Variants in GPATCH3 observed in about 807,000 individuals in gnomAD.
GPATCH3 encodes the protein G patch domain-containing protein 3.
GPATCH3 carries 45 observed loss-of-function variants against 53.2 expected under a neutral mutation model. The observed-to-expected ratio is 0.85, with a 90% confidence interval of 0.67 to 1.08. GPATCH3 has a LOEUF of 1.08. GPATCH3 is among the 50% of genes least tolerant of loss of function. The pLI, the probability that GPATCH3 is intolerant of heterozygous loss-of-function variation, is 0.00. For synonymous variants in GPATCH3, 280 were observed against 270.6 expected (o/e 1.03, Z -0.34); for missense variants, 680 against 687.2 (o/e 0.99, Z 0.12).
At chr1:26,892,267 C>T in intron 6 of GPATCH3, 144 bp downstream of exon 6, 1 of 1,024,908 alleles carries the variant, frequency 9.8e-7, no homozygotes, top group Middle Eastern at 3.2e-4. Context: ...CCGTGCCTGG[C>T]CCAGATCCAC....
Position 26,900,307 on chromosome 1 carries a change from A to AGAGGAAGCCACC in GPATCH3, c.124_135dup (p.Gly42_Leu45dup), listed in dbSNP as rs1458286028. ...TCAGGCCGATGCCGGTAGTGGAAAC[A>AGAGGAAGCCACC]GAGGAAGCCACCGCCGCGCTCTTCT... On this transcript the variant is annotated inframe_insertion, in exon 1 of 7. Coordinates refer to ENST00000361720, the MANE Select transcript of GPATCH3 (RefSeq NM_022078.3). The AGAGGAAGCCACC allele has an allele frequency of 1.2e-5, 19 of 1,613,990 alleles. No homozygotes were observed. The highest frequency in any genetic ancestry group is 1.6e-5 in the Non-Finnish European group (19 of 1,180,028).
Position 26,894,097 on chromosome 1 carries a change from C to A in GPATCH3, c.1051+139G>T, listed in dbSNP as rs2081940379. 2.0e-5 allele frequency: 15 copies of A among 748,534 alleles called. No individual in the cohort carries two copies. In the South Asian group the frequency reaches 3.0e-4, roughly 15 times the overall value. The allele number at this position is 748,534 out of a possible 1,614,324, so 46.4% of individuals were successfully genotyped here. ...CCCACTCTTAAAAAGGATGATTGGT[C>A]TCTCGTATACAATAGAGGTCAGCCT... is the stretch of plus-strand genomic sequence containing the variant. On this transcript the variant is annotated intron_variant, in intron 3 of 6. Transcript: ENST00000361720.
chr1:26,892,194 A>G (rs1251862884), intron 6 of GPATCH3, among the ~76,000 whole-genome samples: 2 of 151,488 alleles, frequency 1.3e-5, no homozygotes, highest in Non-Finnish European at 1.5e-5. Context: ...CTGGTTTCAA[A>G]CTGGGCTCAA....
At chr1:26,891,905 CACCAT>C (rs1390774600) in intron 6 of GPATCH3, among the ~76,000 whole-genome samples, 1 of 152,184 alleles carries the variant, frequency 6.6e-6, no homozygotes, top group Non-Finnish European at 1.5e-5. Flanking sequence ...CACAGGGTTT[CACCAT>C]CTTGATCAGG....
intron 4 of GPATCH3, among the ~76,000 whole-genome samples, 179 bp downstream of exon 4, chr1:26,893,210 G>C (rs1258221890): frequency 6.6e-6 from 1 of 152,306 alleles, no homozygotes; most frequent in South Asian, 2.1e-4. Context: ...TGAAGGCTCT[G>C]TCCAAAACTA....
At chr1:26,891,319 G>T (rs1343479182) in intron 6 of GPATCH3, 93 bp from the exon 7 acceptor site, 71 of 950,972 alleles carry the variant, frequency 7.5e-5, no homozygotes, top group Admixed American at 4.6e-4. Flanking sequence ...TACATATCTG[G>T]TTTGTCCAAA....
chr1:26,892,811 T>C lies in GPATCH3; in HGVS notation c.1112-20A>G, dbSNP rs773980710. On this transcript the variant is annotated intron_variant, in intron 4 of 6. Transcript: ENST00000361720. ...CACCATCTGAGGAAACAGAGCTCAG[T>C]TTATGGAAGCGTCCCTCTCAAAGAA... The C allele has an allele frequency of 1.2e-6, 2 of 1,611,010 alleles. No individual in the cohort carries two copies. Among genetic ancestry groups the C allele is most frequent in the East Asian group, 4.5e-5 (2 of 44,752 alleles).
Position 26,900,100 on chromosome 1 carries a change from G to C in GPATCH3, c.343C>G (p.Gln115Glu), listed in dbSNP as rs760675157. The change falls in exon 1 of 7, where the codon CAG (glutamine) becomes GAG (glutamate). Residue 115 changes from glutamine (Q) to glutamate (E), a missense_variant. Coordinates refer to ENST00000361720, the MANE Select transcript of GPATCH3 (RefSeq NM_022078.3). ...CCCGAGTACATGCGAATAAGCCTCT[G>C]AGCTTGAGCCAACCCCCTTACCGAG... ...VISVRGLAQA[Q>E]RLIRMYSGRR... 5.0e-6 allele frequency: 8 copies of C among 1,614,168 alleles called. 1 individual carries two copies. In the South Asian group the frequency reaches 8.8e-5, roughly 18 times the overall value.
In GPATCH3 at chr1:26,897,384, G is replaced by A; in HGVS notation, c.793C>T (p.Leu265=). 1 of 1,614,198 alleles carries A rather than the reference G, an allele frequency of 6.2e-7. No individual in the cohort carries two copies. The highest frequency in any genetic ancestry group is 8.5e-7 in the Non-Finnish European group (1 of 1,180,044). The change falls in exon 2 of 7, where the codon CTG becomes TTG. Residue 265 remains leucine (L), a synonymous_variant. Coordinates refer to ENST00000361720, the MANE Select transcript of GPATCH3 (RefSeq NM_022078.3). ...CAGGGGCTGGCTGGTATATCTGCCA[G>A]GTAGGTTCCTTGGGGTATTTCTTCA... The part of the protein sequence containing the change: ...EGEEIPQGTY[L]ADIPASPCGE...
At chr1:26,898,207 T>G (rs1468377994) in intron 1 of GPATCH3, among the ~76,000 whole-genome samples, 2 of 152,170 alleles carry the variant, frequency 1.3e-5, no homozygotes, top group Non-Finnish European at 2.9e-5. Flanking sequence ...TCTCCAGGTC[T>G]TTTCATCTCT....
chr1:26,897,859 C>T (rs180699714), intron 1 of GPATCH3, 134 bp from the exon 2 acceptor site: 66 of 737,688 alleles, frequency 8.9e-5, no homozygotes, highest in Admixed American at 2.9e-4. Context: ...AAATCTAGGC[C>T]GACACAGTGG....
intron 1 of GPATCH3, among the ~76,000 whole-genome samples, chr1:26,898,616 T>C (rs575386716): frequency 1.3e-5 from 2 of 152,170 alleles, no homozygotes; most frequent in African/African-American, 4.8e-5. Flanking sequence ...CATGTCTTCA[T>C]ACGATGTGTT....
intron 1 of GPATCH3, among the ~76,000 whole-genome samples, chr1:26,898,595 C>A (rs2081960714): frequency 6.6e-6 from 1 of 152,010 alleles, no homozygotes; most frequent in Non-Finnish European, 1.5e-5. Flanking sequence ...GTCACCAACT[C>A]CCACCTCCTG....
At chr1:26,898,343 T>A (rs530732277) in intron 1 of GPATCH3, among the ~76,000 whole-genome samples, 44 of 152,238 alleles carry the variant, frequency 2.9e-4, no homozygotes, top group African/African-American at 9.1e-4. Flanking sequence ...TGAGACAGAT[T>A]CTCACTCTGT....
In GPATCH3 at chr1:26,896,458, G is replaced by A. The variant is rs1239700849; in HGVS notation, c.876+843C>T. ...TGTAATCCCAGCACTTTGGCAGGCC[G>A]AGGCAGGTGGGTCACGAGGTCAGGA... On this transcript the variant is annotated intron_variant, in intron 2 of 6. Transcript: ENST00000361720. Among the ~76,000 whole-genome samples, 8 of 151,442 alleles carry A rather than the reference G, an allele frequency of 5.3e-5. No homozygotes were observed. The East Asian group carries it at 1.2e-3, about 22-fold the overall frequency.
intron 4 of GPATCH3, among the ~76,000 whole-genome samples, chr1:26,893,099 A>C (rs1453290146): frequency 6.6e-6 from 1 of 152,114 alleles, no homozygotes; most frequent in Non-Finnish European, 1.5e-5. Context: ...CTAAACCCTT[A>C]CTAGAGCCTG....
Position 26,894,827 on chromosome 1 carries a change from A to C in GPATCH3, c.877-417T>G, listed in dbSNP as rs183176127. 2.8e-3 allele frequency among the ~76,000 whole-genome samples: 430 copies of C among 152,268 alleles called. 1 individual carries two copies. The highest frequency in any genetic ancestry group is 9.9e-3 in the African/African-American group (410 of 41,542). The stretch of plus-strand genomic sequence containing the variant: ...CACTGGTTAGGCCTTTTTATGTCAT[A>C]TCACAAAGAAAGAATGGACAATAAT... On this transcript the variant is annotated intron_variant, in intron 2 of 6. Coordinates refer to ENST00000361720, the MANE Select transcript of GPATCH3 (RefSeq NM_022078.3).
chr1:26,894,681 TCTC>T (rs1043749770), intron 2 of GPATCH3, among the ~76,000 whole-genome samples: 4 of 151,994 alleles, frequency 2.6e-5, no homozygotes, highest in African/African-American at 9.7e-5. Flanking sequence ...CCCACACCCT[TCTC>T]TTCTCCACTT....
intron 2 of GPATCH3, among the ~76,000 whole-genome samples, chr1:26,895,250 C>T (rs923012298): frequency 6.6e-5 from 10 of 152,054 alleles, no homozygotes; most frequent in Non-Finnish European, 1.2e-4. Context: ...TGGGGCCAGA[C>T]GCAGTGGCTC....
Sources: allele counts gnomAD v4.1 joint callset (sites outside exome capture counted in the v4.1 genomes callset), GRCh38; gene constraint gnomAD v4.1.1; transcripts MANE v1.5; gene names NCBI Gene and HGNC (gene_info 2026-07-23, HGNC 2026-07-21).